Variants in CEACAM20 observed in about 807,000 individuals in gnomAD.
The protein encoded by CEACAM20 is cell adhesion molecule CEACAM20.
Under a neutral mutation model 61.2 loss-of-function variants are expected in CEACAM20, and 50 were observed. The observed-to-expected ratio is 0.82, with a 90% CI of 0.65 to 1.03. The LOEUF is 1.03. Among genes scored for constraint, CEACAM20 ranks in the 50% least tolerant of loss-of-function variants. The pLI is 0.00. For missense variants in CEACAM20, 683 were observed against 736.4 expected, an observed-to-expected ratio of 0.93 and a Z score of 0.84; for synonymous variants, 282 against 287.7, an observed-to-expected ratio of 0.98 and a Z score of 0.20.
At chr19:44,507,760 G>C (rs914922959) in intron 11 of CEACAM20, among the ~76,000 whole-genome samples, 4 of 152,192 alleles carry the variant, frequency 2.6e-5, no homozygotes, top group Non-Finnish European at 5.9e-5. Context: ...GCCAGGTGCA[G>C]TGGCTTGCGT....
intron 1 of CEACAM20, among the ~76,000 whole-genome samples, chr19:44,525,631 C>T (rs1283113207): frequency 3.3e-5 from 5 of 151,980 alleles, no homozygotes; most frequent in Admixed American, 6.6e-5. Flanking sequence ...TTAGTAGAGA[C>T]GGGGTTTCGC....
intron 1 of CEACAM20, among the ~76,000 whole-genome samples, chr19:44,527,901 T>C (rs191333834): frequency 1.0e-3 from 157 of 152,320 alleles, no homozygotes; most frequent in Admixed American, 3.3e-3. Flanking sequence ...AGATGCCTTC[T>C]AGGCAGAAAT....
chr19:44,510,596 GAA>G (rs1348333394), intron 11 of CEACAM20, among the ~76,000 whole-genome samples: 3 of 62,780 alleles, frequency 4.8e-5, no homozygotes, highest in South Asian at 7.5e-4. Context: ...AAGAAAGAAA[GAA>G]AGAAAGAAAG....
intron 11 of CEACAM20, among the ~76,000 whole-genome samples, chr19:44,510,694 G>C (rs374404883): frequency 6.6e-6 from 1 of 152,058 alleles, no homozygotes; most frequent in South Asian, 2.1e-4. Flanking sequence ...GCTGGGATGG[G>C]GGGAAATAGA....
intron 6 of CEACAM20, among the ~76,000 whole-genome samples, chr19:44,514,856 G>T (rs915008497): frequency 2.7e-5 from 4 of 150,070 alleles, no homozygotes; most frequent in Non-Finnish European, 4.4e-5. Flanking sequence ...AAAATTTAAG[G>T]CCAGGCTGGA....
intron 11 of CEACAM20, among the ~76,000 whole-genome samples, chr19:44,509,986 G>C (rs28588702): frequency 0.019 from 2,894 of 151,872 alleles, 111 homozygotes; most frequent in African/African-American, 0.066. Context: ...GAAATGGGAT[G>C]GGAAGAATAA....
In CEACAM20 at chr19:44,511,637, C is replaced by G. The variant is rs1568447203; in HGVS notation, c.1611G>C (p.Glu537Asp). Residue 537 changes from glutamate to aspartate, a missense_variant and splice_region_variant, in exon 10 of 12, where the codon GAG becomes GAC. Coordinates refer to ENST00000614924, the MANE Select transcript of CEACAM20 (RefSeq NM_001102597.3). ...ACCAAACCCAGCAGGGCCAATGTAC[C>G]TCATAGGTCTCCTCTGGAAGGTCTG... is the stretch of plus-strand genomic sequence containing the variant. ...QPPDLPEETY[E>D]TKLPSASRRG... 2 of 1,612,572 alleles carry G rather than the reference C, an allele frequency of 1.2e-6. No individual in the cohort carries two copies. The highest frequency in any genetic ancestry group is 1.7e-6 in the Non-Finnish European group (2 of 1,179,444).
At chr19:44,523,208 A>C (rs372006498) in intron 3 of CEACAM20, among the ~76,000 whole-genome samples, 1 of 152,114 alleles carries the variant, frequency 6.6e-6, no homozygotes, top group East Asian at 2.0e-4. Flanking sequence ...AAGGAGTTTA[A>C]AACCAGTCAG....
chr19:44,515,693 G>A lies in CEACAM20; in HGVS notation c.1309+1253C>T, dbSNP rs1012252063. Among the ~76,000 whole-genome samples, 18 of 152,244 alleles carry A rather than the reference G, an allele frequency of 1.2e-4. 1 individual carries two copies. The East Asian group carries it at 2.3e-3, about 20-fold the overall frequency. ...AAATAATAATTTTAGGCTGAGCTTC[G>A]TGGCTCAAGTCTGTAATCTCAGCAC... On this transcript the variant is annotated intron_variant, in intron 6 of 11. Transcript: ENST00000614924.
At chr19:44,506,904 A>C (rs1158812279) in intron 11 of CEACAM20, among the ~76,000 whole-genome samples, 3 of 152,236 alleles carry the variant, frequency 2.0e-5, no homozygotes, top group African/African-American at 7.2e-5. Context: ...TAAGCTGCAA[A>C]GTCTGTGGTA....
At chr19:44,528,990 G>T (rs555201708) in intron 1 of CEACAM20, among the ~76,000 whole-genome samples, 6 of 101,552 alleles carry the variant, frequency 5.9e-5, no homozygotes, top group Admixed American at 4.5e-4. Context: ...ACAGGGTCTT[G>T]CTGTGTCACT....
At chr19:44,512,843 C>A in intron 8 of CEACAM20, 25 bp downstream of exon 8, 1 of 1,596,728 alleles carries the variant, frequency 6.3e-7, no homozygotes, top group Non-Finnish European at 8.6e-7. Flanking sequence ...CTGCCCCAGG[C>A]ATCAGCCACC....
rs36006026 is a variant in CEACAM20, at chr19:44,514,453, C to CTT, written c.1310-1166_1310-1165dup. ...TCTTAGGTTCATTTCTGCATCTCCA[C>CTT]TTTTTTTTTTTTTGAGATGGAGTCT... On this transcript the variant is annotated intron_variant, in intron 6 of 11. Coordinates refer to ENST00000614924, the MANE Select transcript of CEACAM20 (RefSeq NM_001102597.3). 1.2e-3 allele frequency among the ~76,000 whole-genome samples: 172 copies of CTT among 145,406 alleles called. 1 individual carries two copies. The East Asian group carries it at 0.022, about 18-fold the overall frequency.
chr19:44,526,945 C>T (rs538122641), intron 1 of CEACAM20, among the ~76,000 whole-genome samples: 5 of 152,096 alleles, frequency 3.3e-5, no homozygotes, highest in African/African-American at 1.2e-4. Flanking sequence ...TGTGCTCACA[C>T]GCAACTGATC....
chr19:44,525,050 A>G, intron 2 of CEACAM20, 51 bp downstream of exon 2: 1 of 1,595,942 alleles, frequency 6.3e-7, no homozygotes, highest in South Asian at 1.1e-5. Flanking sequence ...CGGATGAGGG[A>G]TCTCCATGGA....
At chr19:44,516,323 C>T (rs552405752) in intron 6 of CEACAM20, among the ~76,000 whole-genome samples, 7 of 152,194 alleles carry the variant, frequency 4.6e-5, no homozygotes, top group Non-Finnish European at 7.3e-5. Context: ...ATAGGCATCA[C>T]GATATGATTT....
intron 9 of CEACAM20, 72 bp from the exon 10 acceptor site, chr19:44,511,744 T>C (rs1971006611): frequency 6.0e-6 from 9 of 1,504,358 alleles, no homozygotes; most frequent in South Asian, 1.2e-5. Context: ...TGCTCAGAAA[T>C]AGCTTTGGCC....
intron 6 of CEACAM20, among the ~76,000 whole-genome samples, chr19:44,514,094 C>T (rs570577855): frequency 3.7e-4 from 57 of 152,242 alleles, no homozygotes; most frequent in Non-Finnish European, 7.1e-4. Context: ...CCGGCTTTCA[C>T]TTAGAGCCCC....
intron 2 of CEACAM20, 122 bp from the exon 3 acceptor site, chr19:44,524,383 T>G (rs1018788194): frequency 7.4e-6 from 8 of 1,086,296 alleles, no homozygotes; most frequent in Non-Finnish European, 7.9e-6. Context: ...CTCTCTGGAG[T>G]TGGATGCCTG....
Sources: allele counts gnomAD v4.1 joint callset (sites outside exome capture counted in the v4.1 genomes callset), GRCh38; gene constraint gnomAD v4.1.1; transcripts MANE v1.5; gene names NCBI Gene and HGNC (gene_info 2026-07-23, HGNC 2026-07-21).